Variants in MARCHF3 observed in about 807,000 individuals in gnomAD.
MARCHF3 encodes the protein E3 ubiquitin-protein ligase MARCHF3.
In MARCHF3, 13 loss-of-function variants were observed where a neutral mutation model predicts 24.2. That is an observed-to-expected ratio of 0.54 (90% CI 0.35 to 0.85). The LOEUF is 0.85. MARCHF3 is among the 40% of genes least tolerant of loss of function. The probability of loss-of-function intolerance (pLI) is 0.01; values close to 1 mark genes in which losing one functional copy is unlikely to be tolerated. For synonymous variants in MARCHF3, 144 were observed against 137.3 expected (o/e 1.05, Z -0.34); for missense variants, 276 against 325.0 (o/e 0.85, Z 1.16).
intron 1 of MARCHF3, among the ~76,000 whole-genome samples, chr5:127,024,906 A>T (rs145609881): frequency 2.0e-5 from 3 of 152,362 alleles, no homozygotes; most frequent in Non-Finnish European, 2.9e-5. Flanking sequence ...CATAAAATAT[A>T]CTCGGCAGCT....
chr5:127,000,901 C>T (rs1288151943), intron 1 of MARCHF3, among the ~76,000 whole-genome samples: 2 of 151,988 alleles, frequency 1.3e-5, no homozygotes, highest in Admixed American at 6.6e-5. Context: ...CTCCTGACCT[C>T]GTGATCCATC....
chr5:126,932,481 G>C (rs1420829859), intron 1 of MARCHF3, among the ~76,000 whole-genome samples: 5 of 152,204 alleles, frequency 3.3e-5, no homozygotes, highest in Non-Finnish European at 7.3e-5. Context: ...CTCAGGAAAG[G>C]GACAGAGGTG....
At chr5:127,023,733 AAAATAAATAAAT>A (rs147240868) in intron 1 of MARCHF3, among the ~76,000 whole-genome samples, 2,489 of 141,396 alleles carry the variant, frequency 0.018, 72 homozygotes, top group African/African-American at 0.057. Flanking sequence ...TCTGTCTCAA[AAAATAAATAAAT>A]AAATAAATAA....
Position 126,947,906 on chromosome 5 carries a change from G to A in MARCHF3, c.-56-29679C>T, listed in dbSNP as rs137988368. Among the ~76,000 whole-genome samples the A allele has an allele frequency of 9.2e-5, 14 of 152,152 alleles. No individual in the cohort carries two copies. In the East Asian group the frequency reaches 1.7e-3, roughly 19 times the overall value. On this transcript the variant is annotated intron_variant, in intron 1 of 4. Coordinates refer to ENST00000308660, the MANE Select transcript of MARCHF3 (RefSeq NM_178450.5). ...GAGGGGTGGGGGGGCAGCAGTGTGAGAACTGTTGTCCTAACCATGACAACT... is the reference window on the plus strand; with the variant it reads ...GAGGGGTGGGGGGGCAGCAGTGTGAAAACTGTTGTCCTAACCATGACAACT...
intron 1 of MARCHF3, among the ~76,000 whole-genome samples, chr5:127,019,869 T>A (rs1752739536): frequency 6.6e-6 from 1 of 152,202 alleles, no homozygotes; most frequent in Non-Finnish European, 1.5e-5. Flanking sequence ...ACATTTCCAT[T>A]TGGAAGTATC....
chr5:126,952,859 A>G (rs1348195495), intron 1 of MARCHF3, among the ~76,000 whole-genome samples: 3 of 152,166 alleles, frequency 2.0e-5, no homozygotes, highest in Admixed American at 6.5e-5. Context: ...CGAATTGCCT[A>G]TAATCTTAAT....
chr5:126,910,735 GTT>G (rs1754490912), intron 3 of MARCHF3, among the ~76,000 whole-genome samples: 1 of 152,156 alleles, frequency 6.6e-6, no homozygotes, highest in Non-Finnish European at 1.5e-5. Flanking sequence ...TAGAGCATGT[GTT>G]TTTGAACAAT....
chr5:127,025,308 TAAAAAA>T (rs56148099), intron 1 of MARCHF3, among the ~76,000 whole-genome samples: 11 of 133,762 alleles, frequency 8.2e-5, no homozygotes, highest in Admixed American at 2.9e-4. Context: ...AAAAAGTTAT[TAAAAAA>T]AAAAAAAAAA....
chr5:126,974,156 C>G (rs1427557960), intron 1 of MARCHF3, among the ~76,000 whole-genome samples: 1 of 152,108 alleles, frequency 6.6e-6, no homozygotes, highest in African/African-American at 2.4e-5. Flanking sequence ...CTCAGCCTCC[C>G]AAAGTGCTGG....
At chr5:126,894,287 T>G (rs1454254052) in intron 3 of MARCHF3, among the ~76,000 whole-genome samples, 39 of 149,428 alleles carry the variant, frequency 2.6e-4, no homozygotes, top group African/African-American at 7.5e-4. Context: ...TTAGTCCATT[T>G]ACATTTAAAG....
At chr5:126,883,858 G>A (rs148642886) in intron 3 of MARCHF3, among the ~76,000 whole-genome samples, 86 of 152,200 alleles carry the variant, frequency 5.7e-4, no homozygotes, top group Middle Eastern at 3.4e-3. Context: ...AGCTCTGATC[G>A]ATAACAACCT....
At chr5:127,004,865 C>T (rs1487395147) in intron 1 of MARCHF3, among the ~76,000 whole-genome samples, 1 of 152,044 alleles carries the variant, frequency 6.6e-6, no homozygotes, top group East Asian at 1.9e-4. Flanking sequence ...GTAACTGAGA[C>T]CCAATTCACT....
At chr5:126,977,689 T>C (rs926206314) in intron 1 of MARCHF3, among the ~76,000 whole-genome samples, 1 of 152,156 alleles carries the variant, frequency 6.6e-6, no homozygotes, top group Non-Finnish European at 1.5e-5. Context: ...GTGCAATATA[T>C]GTTTGATTGC....
chr5:126,946,389 A>AAG (rs1264520553), intron 1 of MARCHF3: 6 of 151,508 alleles, frequency 4.0e-5, no homozygotes, highest in Admixed American at 2.6e-4. Flanking sequence ...AAAAAAAAAA[A>AAG]AGGAATAGAA....
intron 1 of MARCHF3, among the ~76,000 whole-genome samples, chr5:126,934,187 A>T (rs963381276): frequency 2.0e-5 from 3 of 151,690 alleles, no homozygotes; most frequent in Non-Finnish European, 4.4e-5. Flanking sequence ...TTATTTATTT[A>T]TTTTTTTTAC....
intron 3 of MARCHF3, among the ~76,000 whole-genome samples, chr5:126,888,926 G>A (rs532807228): frequency 7.1e-4 from 108 of 152,216 alleles, no homozygotes; most frequent in African/African-American, 2.1e-3. Context: ...CACCACGCCC[G>A]GGTAATTTTT....
At chr5:126,912,805 C>T (rs181543730) in intron 3 of MARCHF3, among the ~76,000 whole-genome samples, 17 of 152,344 alleles carry the variant, frequency 1.1e-4, no homozygotes, top group Admixed American at 3.3e-4. Flanking sequence ...GATGATCAAA[C>T]GGCCAGCCTC....
chr5:126,893,548 T>G (rs1444506524), intron 3 of MARCHF3, among the ~76,000 whole-genome samples: 2 of 151,906 alleles, frequency 1.3e-5, no homozygotes, highest in African/African-American at 4.8e-5. Flanking sequence ...TCGTTATGTA[T>G]CCAGTAGTCA....
At chr5:127,024,157 A>C (rs1752918827) in intron 1 of MARCHF3, among the ~76,000 whole-genome samples, 1 of 152,206 alleles carries the variant, frequency 6.6e-6, no homozygotes, top group African/African-American at 2.4e-5. Context: ...TAGAAATGAA[A>C]CAGAGGGACT....
Sources: gnomAD v4.1 joint callset for allele counts (sites outside exome capture counted in the v4.1 genomes callset) on GRCh38, gnomAD v4.1.1 for gene constraint, MANE v1.5 for transcripts, NCBI Gene and HGNC (gene_info 2026-07-23, HGNC 2026-07-21) for gene names.